CNTN6: variants seen among roughly 807,000 people sequenced by gnomAD.
The protein encoded by CNTN6 is contactin-6.
In CNTN6, 137 loss-of-function variants were observed where a neutral mutation model predicts 122.8. That is an observed-to-expected ratio of 1.12 (90% CI 0.97 to 1.29). The LOEUF is 1.29. CNTN6 is among the 50% of genes most tolerant of loss of function. The probability of loss-of-function intolerance (pLI) is 0.00; values close to 1 mark genes in which losing one functional copy is unlikely to be tolerated. For synonymous variants in CNTN6, 570 were observed against 426.0 expected (o/e 1.34, Z -4.16); for missense variants, 1,634 against 1,223.4 (o/e 1.34, Z -5.01).
chr3:1,094,966 A>C lies in CNTN6; in HGVS notation c.-83+1846A>C, dbSNP rs181931186. On this transcript the variant is annotated intron_variant, in intron 1 of 22. Coordinates refer to ENST00000446702, the MANE Select transcript of CNTN6 (RefSeq NM_001289080.2). ...TATACATAAAAGTTCAAAAGGGAAA[A>C]CCCATCACCTGTAAATAACAATCAT... 1.6e-3 allele frequency among the ~76,000 whole-genome samples: 244 copies of C among 152,228 alleles called. 1 individual carries two copies. The highest frequency in any genetic ancestry group is 7.5e-3 in the South Asian group (36 of 4,826).
chr3:1,386,004 G>C (rs891608005), intron 20 of CNTN6, among the ~76,000 whole-genome samples: 22 of 152,186 alleles, frequency 1.4e-4, no homozygotes, highest in Non-Finnish European at 1.5e-5. Context: ...TTCCAAAAGA[G>C]GAATATTCCA....
At chr3:1,203,116 A>C (rs1327092583) in intron 2 of CNTN6, among the ~76,000 whole-genome samples, 2 of 152,328 alleles carry the variant, frequency 1.3e-5, no homozygotes, top group Admixed American at 1.3e-4. Flanking sequence ...AATTTATGAG[A>C]TGCTTTCATT....
chr3:1,345,104 A>G (rs961110195), intron 11 of CNTN6, among the ~76,000 whole-genome samples: 2 of 150,264 alleles, frequency 1.3e-5, no homozygotes, highest in Admixed American at 6.6e-5. Context: ...GTGTTTAACT[A>G]CTTATGTACA....
chr3:1,139,731 A>C (rs2092565866), intron 1 of CNTN6, among the ~76,000 whole-genome samples: 1 of 152,126 alleles, frequency 6.6e-6, no homozygotes, highest in South Asian at 2.1e-4. Context: ...ATCAGAACAA[A>C]TTTGTAGAAA....
chr3:1,192,596 A>G (rs551739145), intron 2 of CNTN6, among the ~76,000 whole-genome samples: 8 of 152,098 alleles, frequency 5.3e-5, no homozygotes, highest in Non-Finnish European at 1.0e-4. Flanking sequence ...CTGGAGGTAA[A>G]TAAATGGAAC....
chr3:1,175,063 C>G (rs2093423215), intron 2 of CNTN6, among the ~76,000 whole-genome samples: 1 of 151,540 alleles, frequency 6.6e-6, no homozygotes, highest in Middle Eastern at 3.2e-3. Flanking sequence ...TGGTGAGACC[C>G]CATCTACAAA....
chr3:1,140,672 A>T (rs1209224024), intron 1 of CNTN6, among the ~76,000 whole-genome samples: 1 of 152,146 alleles, frequency 6.6e-6, no homozygotes, highest in Non-Finnish European at 1.5e-5. Flanking sequence ...TCTCTTGATG[A>T]CTGAGTTAAG....
At chr3:1,119,978 G>A (rs1204861804) in intron 1 of CNTN6, among the ~76,000 whole-genome samples, 1 of 152,036 alleles carries the variant, frequency 6.6e-6, no homozygotes, top group African/African-American at 2.4e-5. Flanking sequence ...ATAAATGGAA[G>A]CATGTAGTAC....
In CNTN6 at chr3:1,404,073, C is replaced by T. The variant is rs1696045405; in HGVS notation, c.*655C>T. The T allele has an allele frequency of 6.6e-6, 1 of 152,104 alleles. No individual in the cohort carries two copies. Among genetic ancestry groups the T allele is most frequent in the Admixed American group, 6.6e-5 (1 of 15,248 alleles). 9.4% of individuals were successfully genotyped at this position (152,104 alleles called of 1,614,324 possible). Reference sequence around the variant, plus strand: ...ATGAGCACCCACCTAAAATAATCTTCTAACAACTCTGGTATATATTAAGCA... The same window carrying T: ...ATGAGCACCCACCTAAAATAATCTTTTAACAACTCTGGTATATATTAAGCA... On this transcript the variant is annotated 3_prime_UTR_variant, in exon 23 of 23. Transcript: ENST00000446702.
At chr3:1,402,799 C>T (rs754767506) in intron 22 of CNTN6, 34 of 230,396 alleles carry the variant, frequency 1.5e-4, no homozygotes, top group Non-Finnish European at 2.4e-4. Context: ...TAGATTCTTT[C>T]GGGTCTTTTA....
At chr3:1,122,505 C>T (rs548806802) in intron 1 of CNTN6, among the ~76,000 whole-genome samples, 1 of 149,898 alleles carries the variant, frequency 6.7e-6, no homozygotes, top group Non-Finnish European at 1.5e-5. Flanking sequence ...GCATTTAATA[C>T]AGGCACGATG....
rs1448257112 is a variant in CNTN6, at chr3:1,403,583, CAATTTTAAACACTTTTG to C, written c.*175_*191del. ...AAATATCTATGGTATATTAATAAAA[CAATTTTAAACACTTTTG>C]AATTTTAAAATCCGCACATGATTAC... On this transcript the variant is annotated 3_prime_UTR_variant, in exon 23 of 23. Transcript: ENST00000446702. 7.1e-6 allele frequency: 3 copies of C among 421,726 alleles called. No homozygotes were observed. The highest frequency in any genetic ancestry group is 1.2e-5 in the Non-Finnish European group (3 of 241,124). The allele number at this position is 421,726 out of a possible 1,614,324, so 26.1% of individuals were successfully genotyped here.
chr3:1,368,645 A>G (rs1344000257), intron 12 of CNTN6, among the ~76,000 whole-genome samples: 1 of 152,194 alleles, frequency 6.6e-6, no homozygotes, highest in Non-Finnish European at 1.5e-5. Flanking sequence ...GATCTAGTAA[A>G]CAATTGACCA....
chr3:1,101,955 G>A (rs2090919565), intron 1 of CNTN6, among the ~76,000 whole-genome samples: 2 of 152,116 alleles, frequency 1.3e-5, no homozygotes, highest in South Asian at 2.1e-4. Flanking sequence ...AATGCTAAAC[G>A]GACCATATTT....
intron 3 of CNTN6, among the ~76,000 whole-genome samples, chr3:1,222,910 A>G (rs776260154): frequency 2.0e-5 from 3 of 152,146 alleles, no homozygotes; most frequent in Admixed American, 2.0e-4. Context: ...CATAGACAAG[A>G]AACTATGGAA....
chr3:1,238,834 G>C (rs1166578208), intron 4 of CNTN6, among the ~76,000 whole-genome samples: 2 of 152,092 alleles, frequency 1.3e-5, no homozygotes, highest in African/African-American at 4.8e-5. Flanking sequence ...ATCTGCTCCT[G>C]AATGATCAAA....
At chr3:1,093,935 T>G (rs994828165) in intron 1 of CNTN6, among the ~76,000 whole-genome samples, 1 of 152,174 alleles carries the variant, frequency 6.6e-6, no homozygotes, top group African/African-American at 2.4e-5. Flanking sequence ...TGAAAACTAC[T>G]TATGTTTAAA....
chr3:1,276,359 G>A (rs116364918), intron 4 of CNTN6, among the ~76,000 whole-genome samples: 4,724 of 152,224 alleles, frequency 0.031, 110 homozygotes, highest in South Asian at 0.064. Context: ...TAGATTTGAC[G>A]TATTCTTTCT....
At chr3:1,311,390 G>A (rs183182179) in intron 7 of CNTN6, among the ~76,000 whole-genome samples, 12,713 of 75,596 alleles carry the variant, frequency 0.17, 1,603 homozygotes, top group African/African-American at 0.41. Context: ...GTCTTTATAT[G>A]TACATATATG....
Sources: gnomAD v4.1 joint callset for allele counts (sites outside exome capture counted in the v4.1 genomes callset) on GRCh38, gnomAD v4.1.1 for gene constraint, MANE v1.5 for transcripts, NCBI Gene and HGNC (gene_info 2026-07-23, HGNC 2026-07-21) for gene names.